NAV3: variants seen among roughly 807,000 people sequenced by gnomAD.
NAV3 encodes the protein neuron navigator 3.
A neutral mutation model predicts 244.7 loss-of-function variants in NAV3; 87 were observed. The ratio of observed to expected loss-of-function variants is 0.36; its 90% CI spans 0.30 to 0.42. NAV3 has a LOEUF of 0.42. Among genes scored for constraint, NAV3 ranks in the 20% least tolerant of loss-of-function variants. The pLI is 1.00. For synonymous variants in NAV3, 1,126 were observed against 1,042.2 expected (o/e 1.08, Z -1.55); for missense variants, 2,663 against 2,893.3 (o/e 0.92, Z 1.83).
chr12:78,029,098 G>A (rs749743460), intron 9 of NAV3, among the ~76,000 whole-genome samples: 2 of 150,816 alleles, frequency 1.3e-5, no homozygotes, highest in Admixed American at 6.6e-5. Context: ...TATGTTCAAT[G>A]ATGATGATGA....
intron 1 of NAV3, among the ~76,000 whole-genome samples, chr12:77,858,179 C>G (rs1878684954): frequency 6.6e-6 from 1 of 151,936 alleles, no homozygotes; most frequent in East Asian, 1.9e-4. Flanking sequence ...TATAATATTT[C>G]AAAAAGTTAT....
intron 9 of NAV3, among the ~76,000 whole-genome samples, chr12:78,031,190 G>A (rs1425376542): frequency 1.3e-5 from 2 of 152,114 alleles, no homozygotes; most frequent in African/African-American, 4.8e-5. Flanking sequence ...AAAATAAAAT[G>A]TATAGTGTCT....
Position 78,210,867 on chromosome 12 carries a change from T to C in NAV3, c.*350T>C. Reference sequence around the variant, plus strand: ...CTTTAAAAGTTTACAATGCAGACCATTTTTTGTCCCTTCCTTTTGTTTCCT... The same window carrying C: ...CTTTAAAAGTTTACAATGCAGACCACTTTTTGTCCCTTCCTTTTGTTTCCT... On this transcript the variant is annotated 3_prime_UTR_variant, in exon 40 of 40. Transcript: ENST00000397909. 1 of 235,092 alleles carries C rather than the reference T, an allele frequency of 4.3e-6. No homozygotes were observed. Among genetic ancestry groups the C allele is most frequent in the Non-Finnish European group, 8.3e-6 (1 of 119,984 alleles). 14.6% of individuals were successfully genotyped at this position (235,092 alleles called of 1,614,324 possible). A position where few individuals can be genotyped will look rare whatever the true frequency, so the allele number is the denominator to read the frequency against.
chr12:77,791,100 A>C (rs1871155513), intron 2 of NAV3, among the ~76,000 whole-genome samples: 3 of 152,198 alleles, frequency 2.0e-5, no homozygotes, highest in African/African-American at 7.2e-5. Context: ...TCATGCCTGT[A>C]GTCCCAGCAC....
intron 1 of NAV3, among the ~76,000 whole-genome samples, chr12:77,893,385 G>A (rs1196868325): frequency 6.6e-6 from 1 of 152,018 alleles, no homozygotes; most frequent in Non-Finnish European, 1.5e-5. Flanking sequence ...TTTTTCTCAA[G>A]CATAAAACTG....
chr12:78,062,453 T>C (rs1369066067), intron 12 of NAV3, among the ~76,000 whole-genome samples: 1 of 152,116 alleles, frequency 6.6e-6, no homozygotes, highest in Non-Finnish European at 1.5e-5. Context: ...AAAAACTGAA[T>C]ATCATATCTG....
At chr12:78,204,903 A>T in intron 38 of NAV3, 32 bp from the exon 39 acceptor site, 1 of 1,601,534 alleles carries the variant, frequency 6.2e-7, no homozygotes, top group Non-Finnish European at 8.5e-7. Context: ...AATGCATTTT[A>T]TATATATCCT....
At position 77,820,318 on chromosome 12, in the gene NAV3, C is replaced by A. The variant is rs541084689; in HGVS notation, c.73-120001C>A. On this transcript the variant is annotated intron_variant, in intron 2 of 8. Coordinates refer to the NAV3 transcript ENST00000550042. ...TTTCTATAAGAACAGGAATTTATAT[C>A]CCATAGTTCTAGAGCCTAGGAAATC... is the stretch of plus-strand genomic sequence containing the variant. 3.3e-5 allele frequency among the ~76,000 whole-genome samples: 5 copies of A among 152,134 alleles called. No individual in the cohort carries two copies. In the South Asian group the frequency reaches 8.3e-4, roughly 25 times the overall value.
At chr12:78,056,808 T>C (rs915182207) in intron 11 of NAV3, among the ~76,000 whole-genome samples, 2 of 152,220 alleles carry the variant, frequency 1.3e-5, no homozygotes, top group African/African-American at 4.8e-5. Flanking sequence ...TTTAAAAATA[T>C]GTTTTAAAGA....
At chr12:77,978,693 A>G (rs922093919) in intron 5 of NAV3, among the ~76,000 whole-genome samples, 1 of 152,028 alleles carries the variant, frequency 6.6e-6, no homozygotes, top group Non-Finnish European at 1.5e-5. Context: ...GCAGATTAAT[A>G]AAGTCAATAT....
At chr12:78,191,565 A>C (rs1488917209) in intron 34 of NAV3, among the ~76,000 whole-genome samples, 1 of 152,156 alleles carries the variant, frequency 6.6e-6, no homozygotes, top group Non-Finnish European at 1.5e-5. Flanking sequence ...GCAATACATA[A>C]ATTCTGAATA....
chr12:78,117,158 C>CTTATAT (rs1555292748), intron 13 of NAV3, among the ~76,000 whole-genome samples: 5,805 of 70,224 alleles, frequency 0.083, 1,115 homozygotes, highest in Middle Eastern at 0.15. Flanking sequence ...ACAGAAGCAG[C>CTTATAT]ATATATATAT....
At chr12:77,976,339 T>C (rs1868369628) in intron 5 of NAV3, among the ~76,000 whole-genome samples, 3 of 152,144 alleles carry the variant, frequency 2.0e-5, no homozygotes, top group African/African-American at 7.2e-5. Context: ...AGGCTAGACA[T>C]GATTAAGTCA....
chr12:77,972,358 C>T (rs1175624771), intron 5 of NAV3, among the ~76,000 whole-genome samples: 1 of 152,016 alleles, frequency 6.6e-6, no homozygotes, highest in East Asian at 1.9e-4. Context: ...TATTATTTGG[C>T]TTATTTGGAG....
At chr12:77,901,736 G>A (rs1295036192) in intron 1 of NAV3, among the ~76,000 whole-genome samples, 1 of 151,960 alleles carries the variant, frequency 6.6e-6, no homozygotes, top group Admixed American at 6.6e-5. Context: ...GAAAGGTAAG[G>A]GTCCAGTTTC....
At chr12:77,684,535 C>G (rs1327996359) in intron 2 of NAV3, among the ~76,000 whole-genome samples, 1 of 152,014 alleles carries the variant, frequency 6.6e-6, no homozygotes, top group African/African-American at 2.4e-5. Context: ...GTTGCCCAGG[C>G]AGTTCTTGAA....
chr12:77,652,020 T>C (rs894833875), intron 2 of NAV3, among the ~76,000 whole-genome samples: 1 of 152,090 alleles, frequency 6.6e-6, no homozygotes, highest in Non-Finnish European at 1.5e-5. Flanking sequence ...TGTAGAAAAA[T>C]GCAGGGAAGG....
chr12:78,045,783 T>G (rs997796330), intron 9 of NAV3, among the ~76,000 whole-genome samples: 1 of 152,190 alleles, frequency 6.6e-6, no homozygotes, highest in Non-Finnish European at 1.5e-5. Flanking sequence ...TTTCTATTGA[T>G]TGGAATAGTC....
chr12:77,943,619 A>T (rs1389756358), intron 3 of NAV3, among the ~76,000 whole-genome samples: 1 of 152,246 alleles, frequency 6.6e-6, no homozygotes, highest in African/African-American at 2.4e-5. Context: ...TGATAGCATG[A>T]CTAGGCTTAT....
Sources: gnomAD v4.1 joint callset for allele counts (sites outside exome capture counted in the v4.1 genomes callset) on GRCh38, gnomAD v4.1.1 for gene constraint, MANE v1.5 for transcripts, NCBI Gene and HGNC (gene_info 2026-07-23, HGNC 2026-07-21) for gene names.